Variants in CCNY observed in about 807,000 individuals in gnomAD.
CCNY encodes cyclin-Y.
In CCNY, 19 loss-of-function variants were observed where a neutral mutation model predicts 42.8. That is an observed-to-expected ratio of 0.44 (90% CI 0.31 to 0.65). CCNY has a LOEUF of 0.65. Among genes scored for constraint, CCNY ranks in the 30% least tolerant of loss-of-function variants. The pLI is 0.07. For missense variants in CCNY, 370 were observed against 437.3 expected, an observed-to-expected ratio of 0.85 and a Z score of 1.37; for synonymous variants, 165 against 162.7, an observed-to-expected ratio of 1.01 and a Z score of -0.11.
At chr10:35,334,605 C>T (rs1835988589), upstream of CCNY, among the ~76,000 whole-genome samples, 1 of 152,236 alleles carries the variant, frequency 6.6e-6, no homozygotes, top group Non-Finnish European at 1.5e-5. Flanking sequence ...TTCTTTAGAA[C>T]TTCCCTTTTA....
At chr10:35,308,323 T>A (rs1050637629) in intron 3 of CCNY, among the ~76,000 whole-genome samples, 2 of 151,462 alleles carry the variant, frequency 1.3e-5, no homozygotes, top group African/African-American at 4.8e-5. Flanking sequence ...GAGGCCAAAG[T>A]GGGAGGATCG....
chr10:35,267,311 G>GAA (rs35490407), intron 3 of CCNY, among the ~76,000 whole-genome samples: 4 of 132,374 alleles, frequency 3.0e-5, no homozygotes, highest in Non-Finnish European at 4.9e-5. Flanking sequence ...CCATCACTTA[G>GAA]AAAAAAAAAA....
At chr10:35,540,564 C>CTTTTTTTTTTTTTTTTTTTTT (rs561129843) in intron 7 of CCNY, among the ~76,000 whole-genome samples, 15 of 144,804 alleles carry the variant, frequency 1.0e-4, no homozygotes, top group African/African-American at 3.8e-4. Flanking sequence ...ATTCCTTCTA[C>CTTTTTTTTTTTTTTTTTTTTT]TTTTTTTTTT....
At chr10:35,547,133 A>G (rs1841132033) in intron 7 of CCNY, among the ~76,000 whole-genome samples, 1 of 152,154 alleles carries the variant, frequency 6.6e-6, no homozygotes, top group Non-Finnish European at 1.5e-5. Context: ...CTGGGGCCCT[A>G]AGATCAGTGC....
intron 3 of CCNY, among the ~76,000 whole-genome samples, chr10:35,329,116 G>A (rs577888182): frequency 6.6e-6 from 1 of 152,266 alleles, no homozygotes; most frequent in Non-Finnish European, 1.5e-5. Flanking sequence ...TGTGTAAAAT[G>A]ATGTAAACTT....
At chr10:35,556,468 T>G (rs1011910975) in intron 8 of CCNY, among the ~76,000 whole-genome samples, 2 of 152,220 alleles carry the variant, frequency 1.3e-5, no homozygotes, top group African/African-American at 4.8e-5. Flanking sequence ...TGAGAGCCAC[T>G]GTGATCCATC....
chr10:35,552,011 A>G (rs1454474526), intron 7 of CCNY, among the ~76,000 whole-genome samples: 1 of 152,206 alleles, frequency 6.6e-6, no homozygotes, highest in African/African-American at 2.4e-5. Context: ...CAGCAATTCC[A>G]CCTCTGGGTA....
chr10:35,281,825 T>C (rs1217587543), intron 3 of CCNY, among the ~76,000 whole-genome samples: 1 of 152,170 alleles, frequency 6.6e-6, no homozygotes, highest in South Asian at 2.1e-4. Flanking sequence ...ATGGATGGTG[T>C]TGATTGTGGT....
chr10:35,306,201 A>C (rs1442539870), intron 3 of CCNY, among the ~76,000 whole-genome samples: 1 of 151,942 alleles, frequency 6.6e-6, no homozygotes, highest in East Asian at 1.9e-4. Context: ...CACCTGGTTA[A>C]TTTTTGGATT....
upstream of CCNY, among the ~76,000 whole-genome samples, chr10:35,333,259 G>A (rs1835966905): frequency 6.6e-6 from 1 of 152,128 alleles, no homozygotes; most frequent in Admixed American, 6.5e-5. Context: ...CTCTATTGAG[G>A]AACTGTCTCT....
intron 1 of CCNY, among the ~76,000 whole-genome samples, chr10:35,375,901 G>C (rs994302294): frequency 3.3e-5 from 5 of 152,192 alleles, no homozygotes; most frequent in Non-Finnish European, 5.9e-5. Context: ...AAGTAAAAAA[G>C]GGTGAGAATA....
intron 1 of CCNY, chr10:35,394,766 A>G (rs1837486488): frequency 1.3e-6 from 1 of 783,484 alleles, no homozygotes; most frequent in Non-Finnish European, 1.5e-6. Flanking sequence ...TTCCTTACTT[A>G]ACCTCTGTTT....
chr10:35,450,657 T>G (rs1372606168), intron 1 of CCNY, among the ~76,000 whole-genome samples: 2 of 151,606 alleles, frequency 1.3e-5, no homozygotes, highest in East Asian at 3.9e-4. Flanking sequence ...ATGTTGGACA[T>G]GGGGCACTTG....
chr10:35,381,200 CTTTA>C (rs1207187969), intron 1 of CCNY, among the ~76,000 whole-genome samples: 1 of 152,172 alleles, frequency 6.6e-6, no homozygotes, highest in Admixed American at 6.5e-5. Context: ...TAAATAATTG[CTTTA>C]TTGAGTTTTA....
chr10:35,434,417 G>A (rs992855269), intron 1 of CCNY, among the ~76,000 whole-genome samples: 9 of 152,206 alleles, frequency 5.9e-5, no homozygotes, highest in African/African-American at 2.2e-4. Context: ...ACAGAGCCTG[G>A]CTATGGACAG....
rs184275801 is a variant in CCNY, at chr10:35,251,357, A to T, written c.-9+731A>T. 2.0e-5 allele frequency among the ~76,000 whole-genome samples: 3 copies of T among 152,304 alleles called. No homozygotes were observed. The East Asian group carries it at 5.8e-4, about 29-fold the overall frequency. On this transcript the variant is annotated intron_variant, in intron 3 of 11. Transcript: ENST00000374706. ...AATGTACAAATGAAATACAAACAAAACTATAAAACTAATAAAAATTAAAAT... is the reference window on the plus strand; with the variant it reads ...AATGTACAAATGAAATACAAACAAATCTATAAAACTAATAAAAATTAAAAT...
At chr10:35,323,045 G>A (rs1352441105) in intron 3 of CCNY, among the ~76,000 whole-genome samples, 2 of 152,106 alleles carry the variant, frequency 1.3e-5, no homozygotes, top group East Asian at 1.9e-4. Context: ...TCCTGCCTTA[G>A]CCTCCCAAGT....
chr10:35,324,915 T>C (rs912229292), intron 3 of CCNY, among the ~76,000 whole-genome samples: 1 of 152,176 alleles, frequency 6.6e-6, no homozygotes, highest in Non-Finnish European at 1.5e-5. Flanking sequence ...CACTTATATA[T>C]AGGCAGCCTT....
chr10:35,480,047 G>T (rs989322378), intron 1 of CCNY, among the ~76,000 whole-genome samples: 3 of 151,334 alleles, frequency 2.0e-5, no homozygotes, highest in African/African-American at 7.3e-5. Flanking sequence ...AACACATATT[G>T]TAATTACCAT....
Sources: gnomAD v4.1 joint callset for allele counts (sites outside exome capture counted in the v4.1 genomes callset) on GRCh38, gnomAD v4.1.1 for gene constraint, MANE v1.5 for transcripts, NCBI Gene and HGNC (gene_info 2026-07-23, HGNC 2026-07-21) for gene names.